Variants in ZC3H12B observed in about 807,000 individuals in gnomAD.
ZC3H12B encodes the protein zinc finger CCCH-type containing 12B, also known as probable ribonuclease ZC3H12B.
In ZC3H12B, 7 loss-of-function variants were observed where a neutral mutation model predicts 43.9. The ratio of observed to expected loss-of-function variants is 0.16; its 90% confidence interval spans 0.09 to 0.30. The LOEUF is 0.30. Ranked by LOEUF, ZC3H12B falls within the 10% of genes least tolerant of loss-of-function variation. The pLI is 1.00. For missense variants in ZC3H12B, 475 were observed against 670.2 expected, an observed-to-expected ratio of 0.71 and a Z score of 3.22; for synonymous variants, 222 against 241.7, an observed-to-expected ratio of 0.92 and a Z score of 0.76.
At chrX:65,105,034 G>T in the ZC3H12B span, among the ~76,000 whole-genome samples, 1 of 111,845 alleles carries the variant, frequency 8.9e-6, no homozygotes, top group African/African-American at 3.2e-5. Flanking sequence ...ACTGGATAAA[G>T]AAAATGTGGC....
chrX:65,154,160 A>G, the ZC3H12B span, among the ~76,000 whole-genome samples: 1,284 of 111,480 alleles, frequency 0.012, 7 homozygotes, highest in South Asian at 0.035. Context: ...CAGCACACCA[A>G]CATGTCACAT....
chrX:65,339,902 G>C, the ZC3H12B span, among the ~76,000 whole-genome samples: 2 of 111,697 alleles, frequency 1.8e-5, no homozygotes, highest in Non-Finnish European at 3.8e-5. Flanking sequence ...GGGGGGCTGG[G>C]TTTTGGCTTT....
the ZC3H12B span, among the ~76,000 whole-genome samples, chrX:65,117,317 T>C: frequency 8.9e-6 from 1 of 112,593 alleles, no homozygotes; most frequent in Admixed American, 9.4e-5. Flanking sequence ...CCAGTGATGA[T>C]GAACATTTTT....
At chrX:65,338,287 T>C in the ZC3H12B span, among the ~76,000 whole-genome samples, 7 of 111,584 alleles carry the variant, frequency 6.3e-5, no homozygotes, top group African/African-American at 2.3e-4. Flanking sequence ...TTCTGGAAAC[T>C]CACAACCTTC....
chrX:65,385,535 TAAG>T (rs2066510710), intron 2 of ZC3H12B, among the ~76,000 whole-genome samples: 1 of 112,318 alleles, frequency 8.9e-6, no homozygotes, highest in Non-Finnish European at 1.9e-5. Flanking sequence ...CATATCAGCT[TAAG>T]GAGATTTTGG....
chrX:65,381,330 A>G (rs1380927724), intron 2 of ZC3H12B, among the ~76,000 whole-genome samples: 3 of 111,700 alleles, frequency 2.7e-5, no homozygotes, highest in African/African-American at 6.5e-5. Flanking sequence ...CATGGAAACT[A>G]AACAACCTGC....
chrX:65,081,516 A>T, the ZC3H12B span, among the ~76,000 whole-genome samples: 1 of 112,163 alleles, frequency 8.9e-6, no homozygotes, highest in African/African-American at 3.2e-5. Flanking sequence ...ATTTCAAGAT[A>T]AAAACTGTAA....
the ZC3H12B span, among the ~76,000 whole-genome samples, chrX:65,095,480 G>A: frequency 2.7e-5 from 3 of 110,924 alleles, no homozygotes; most frequent in Non-Finnish European, 5.7e-5. Flanking sequence ...AAATTCAGAG[G>A]ATCATGTCTT....
chrX:65,172,254 A>T, the ZC3H12B span, among the ~76,000 whole-genome samples: 3 of 112,269 alleles, frequency 2.7e-5, no homozygotes, highest in Non-Finnish European at 5.6e-5. Context: ...GTGTCTGTTC[A>T]TATCCTTTGC....
intron 2 of ZC3H12B, among the ~76,000 whole-genome samples, chrX:65,396,615 C>G (rs1343254498): frequency 9.2e-6 from 1 of 108,816 alleles, no homozygotes; most frequent in African/African-American, 3.4e-5. Context: ...AAGTGTTTTA[C>G]TTCCAATTAT....
At chrX:65,334,528 C>T in the ZC3H12B span, among the ~76,000 whole-genome samples, 1 of 112,115 alleles carries the variant, frequency 8.9e-6, no homozygotes, top group African/African-American at 3.2e-5. Context: ...AACTAAAGAG[C>T]ATTACATTTT....
chrX:65,257,812 A>G, the ZC3H12B span, among the ~76,000 whole-genome samples: 1 of 110,774 alleles, frequency 9.0e-6, no homozygotes, highest in Non-Finnish European at 1.9e-5. Context: ...GAAACATACA[A>G]CCACCGAAGA....
At chrX:65,157,821 T>A in the ZC3H12B span, among the ~76,000 whole-genome samples, 1 of 108,174 alleles carries the variant, frequency 9.2e-6, no homozygotes, top group South Asian at 4.3e-4. Flanking sequence ...GTGCACAATA[T>A]GCAGGTTAGT....
upstream of ZC3H12B, among the ~76,000 whole-genome samples, chrX:65,485,946 T>C (rs986877507): frequency 1.8e-5 from 2 of 112,186 alleles, no homozygotes; most frequent in African/African-American, 3.2e-5. Flanking sequence ...GTCCTCATCT[T>C]ATTTTATATC....
the ZC3H12B span, among the ~76,000 whole-genome samples, chrX:65,212,273 T>TGTA: frequency 1.9e-5 from 1 of 51,804 alleles, no homozygotes; most frequent in African/African-American, 8.1e-5. Context: ...TTATATAATA[T>TGTA]ATAATATAAT....
the ZC3H12B span, among the ~76,000 whole-genome samples, chrX:65,196,675 G>C: frequency 9.0e-6 from 1 of 111,092 alleles, no homozygotes; most frequent in Non-Finnish European, 1.9e-5. Context: ...TTAATGTTAT[G>C]GGCTTTAATT....
At chrX:65,238,813 C>T in the ZC3H12B span, among the ~76,000 whole-genome samples, 1 of 111,921 alleles carries the variant, frequency 8.9e-6, no homozygotes, top group African/African-American at 3.2e-5. Flanking sequence ...CAAAGAACTT[C>T]TTGATATCTG....
the ZC3H12B span, among the ~76,000 whole-genome samples, chrX:65,329,141 G>A: frequency 3.6e-5 from 4 of 111,191 alleles, no homozygotes; most frequent in Non-Finnish European, 7.5e-5. Flanking sequence ...TCCACAATGG[G>A]TGAACTAGTT....
intron 3 of ZC3H12B, among the ~76,000 whole-genome samples, chrX:65,474,766 A>G (rs895516774): frequency 9.0e-6 from 1 of 111,551 alleles, no homozygotes; most frequent in African/African-American, 3.3e-5. Flanking sequence ...TCATGCCACC[A>G]TGCCTGGCTA....
Sources: allele counts gnomAD v4.1 joint callset (sites outside exome capture counted in the v4.1 genomes callset), GRCh38; gene constraint gnomAD v4.1.1; transcripts MANE v1.5; gene names NCBI Gene and HGNC (gene_info 2026-07-23, HGNC 2026-07-21).